Variants in MGST3 observed in about 807,000 individuals in gnomAD.
The protein encoded by MGST3 is microsomal glutathione S-transferase 3.
A neutral mutation model predicts 15.8 loss-of-function variants in MGST3; 13 were observed. The ratio of observed to expected loss-of-function variants is 0.82; its 90% CI spans 0.54 to 1.31. The LOEUF (loss-of-function observed/expected upper bound fraction) is 1.31. MGST3 is among the 50% of genes most tolerant of loss of function. The pLI is 0.00. For missense variants in MGST3, 155 were observed against 192.4 expected (o/e 0.81, Z 1.15); for synonymous variants, 49 against 68.1 (o/e 0.72, Z 1.38).
At chr1:165,645,892 G>A (rs1648384267) in intron 1 of MGST3, 2 of 151,830 alleles carry the variant, frequency 1.3e-5, no homozygotes, top group South Asian at 2.1e-4. Flanking sequence ...CAAATGCTAC[G>A]ATATAACCAA....
intron 2 of MGST3, chr1:165,650,218 T>C: frequency 1.9e-6 from 1 of 521,572 alleles, no homozygotes; most frequent in East Asian, 3.6e-5. Flanking sequence ...GGGATTCCAA[T>C]AGTACACTTC....
At chr1:165,653,618 T>C (rs1478109160) in intron 4 of MGST3, 1 of 154,424 alleles carries the variant, frequency 6.5e-6, no homozygotes, top group Non-Finnish European at 1.4e-5. Context: ...TCCTTGCTTA[T>C]TTTAACCAAG....
intron 1 of MGST3, among the ~76,000 whole-genome samples, chr1:165,632,633 C>T (rs1471935760): frequency 1.3e-5 from 2 of 151,646 alleles, no homozygotes; most frequent in Non-Finnish European, 2.9e-5. Flanking sequence ...TTTTTTTAAC[C>T]AATGTTACTA....
chr1:165,632,509 G>C (rs540232123), intron 1 of MGST3, among the ~76,000 whole-genome samples: 1 of 152,182 alleles, frequency 6.6e-6, no homozygotes, highest in Non-Finnish European at 1.5e-5. Context: ...ATGAATTTAA[G>C]GAGTTAAAAC....
intron 3 of MGST3, 150 bp downstream of exon 3, chr1:165,651,237 G>A (rs764286766): frequency 3.1e-5 from 22 of 715,816 alleles, no homozygotes; most frequent in Non-Finnish European, 5.3e-5. Context: ...AATTATGTAT[G>A]TGAACACATT....
intron 1 of MGST3, among the ~76,000 whole-genome samples, chr1:165,636,471 C>T (rs920549101): frequency 6.6e-6 from 1 of 152,158 alleles, no homozygotes; most frequent in Non-Finnish European, 1.5e-5. Flanking sequence ...CACGGTGGCT[C>T]ATGCCTGTAA....
At chr1:165,652,482 C>G (rs972909706) in intron 4 of MGST3, among the ~76,000 whole-genome samples, 5 of 152,088 alleles carry the variant, frequency 3.3e-5, no homozygotes, top group African/African-American at 1.2e-4. Context: ...AGAGAAGAAG[C>G]AACCTAAGTA....
rs548330261 is a variant in MGST3 at position 165,648,255 on chromosome 1, G to A, written c.-7-1586G>A. 2.8e-4 allele frequency among the ~76,000 whole-genome samples: 43 copies of A among 152,350 alleles called. 1 individual carries two copies. The South Asian group carries it at 6.4e-3, about 23-fold the overall frequency. On this transcript the variant is annotated intron_variant, in intron 1 of 5. Transcript: ENST00000367889. ...CTGCAGTGTGTGCCCCCCAGCCCCCGGAGGGGCAGCGGGCATGCCTCAGAG... is the reference window on the plus strand; with the variant it reads ...CTGCAGTGTGTGCCCCCCAGCCCCCAGAGGGGCAGCGGGCATGCCTCAGAG...
chr1:165,632,102 G>T (rs1040963201), intron 1 of MGST3: 2 of 715,018 alleles, frequency 2.8e-6, no homozygotes, highest in Admixed American at 2.5e-5. Flanking sequence ...CTTTCCTTGA[G>T]AGTCACGAGT....
chr1:165,634,340 T>C (rs9333386), intron 1 of MGST3, among the ~76,000 whole-genome samples: 16,354 of 152,150 alleles, frequency 0.11, 1,165 homozygotes, highest in African/African-American at 0.19. Flanking sequence ...ACTGCGTTTC[T>C]TCATCTGCAA....
chr1:165,634,952 A>G (rs1648069013), intron 1 of MGST3, among the ~76,000 whole-genome samples: 1 of 151,860 alleles, frequency 6.6e-6, no homozygotes, highest in Non-Finnish European at 1.5e-5. Flanking sequence ...GATGATAGCT[A>G]TGGACTTGAG....
chr1:165,642,441 G>C (rs1195001567), intron 1 of MGST3, among the ~76,000 whole-genome samples: 3 of 152,212 alleles, frequency 2.0e-5, no homozygotes, highest in African/African-American at 7.2e-5. Context: ...ATGGCTGGCT[G>C]CTGAGAGTTC....
At chr1:165,647,056 T>C (rs1182852181) in intron 1 of MGST3, 6 of 152,258 alleles carry the variant, frequency 3.9e-5, no homozygotes, top group African/African-American at 1.2e-4. Context: ...AGCATCAGAC[T>C]CTGGGTACCC....
chr1:165,650,928 A>C, intron 2 of MGST3, 86 bp from the exon 3 acceptor site: 2 of 1,130,492 alleles, frequency 1.8e-6, no homozygotes, highest in East Asian at 2.3e-5. Context: ...GATACTTTGG[A>C]ATATATTGTT....
intron 1 of MGST3, among the ~76,000 whole-genome samples, chr1:165,645,096 T>A (rs1458061954): frequency 1.3e-5 from 2 of 152,046 alleles, no homozygotes; most frequent in Admixed American, 1.3e-4. Context: ...TCTATAAGAT[T>A]TTTTTTTCTA....
intron 1 of MGST3, among the ~76,000 whole-genome samples, chr1:165,634,746 T>C (rs1372170191): frequency 1.5e-5 from 1 of 64,980 alleles, no homozygotes; most frequent in African/African-American, 7.3e-5. Context: ...ATGCGCTCTC[T>C]CTCTCTCTCC....
intron 1 of MGST3, among the ~76,000 whole-genome samples, chr1:165,643,462 T>C (rs905820213): frequency 3.3e-5 from 5 of 151,868 alleles, no homozygotes; most frequent in Admixed American, 3.3e-4. Context: ...CTCATGCTTG[T>C]ATTCCCAGCA....
Position 165,655,567 on chromosome 1 carries a change from A to G in MGST3, c.*63A>G, listed in dbSNP as rs9333486. On this transcript the variant is annotated 3_prime_UTR_variant, in exon 6 of 6. Transcript: ENST00000367889. ...ATGACTTACCTTTATTTCCAGTTAC[A>G]TTTTTTTTCTAAATATAATAAAAAC... is the stretch of plus-strand genomic sequence containing the variant. 1.3e-6 allele frequency: 2 copies of G among 1,591,190 alleles called. No homozygotes were observed. The highest frequency in any genetic ancestry group is 3.4e-5 in the Admixed American group (2 of 59,002).
intron 4 of MGST3, chr1:165,653,999 A>G (rs1300680791): frequency 4.6e-6 from 2 of 436,058 alleles, no homozygotes; most frequent in Non-Finnish European, 8.5e-6. Flanking sequence ...GTTCCCCAAG[A>G]TGCCCAGGGC....
Sources: gnomAD v4.1 joint callset for allele counts (sites outside exome capture counted in the v4.1 genomes callset) on GRCh38, gnomAD v4.1.1 for gene constraint, MANE v1.5 for transcripts, NCBI Gene and HGNC (gene_info 2026-07-23, HGNC 2026-07-21) for gene names.